VPS13B: variants seen among roughly 807,000 people sequenced by gnomAD.
VPS13B encodes the protein intermembrane lipid transfer protein VPS13B.
In VPS13B, 285 loss-of-function variants were observed where a neutral mutation model predicts 426.4. That is an observed-to-expected ratio of 0.67 (90% CI 0.61 to 0.74). The LOEUF (loss-of-function observed/expected upper bound fraction) is 0.74, where lower values mean the gene tolerates loss of function less well. Among genes scored for constraint, VPS13B ranks in the 30% least tolerant of loss-of-function variants. The pLI is 0.00. For missense variants in VPS13B, 4,537 were observed against 4,782.6 expected, an observed-to-expected ratio of 0.95 and a Z score of 1.51; for synonymous variants, 1,676 against 1,676.4, an observed-to-expected ratio of 1.00 and a Z score of 0.01.
chr8:99,418,974 C>T (rs759269460), intron 21 of VPS13B, among the ~76,000 whole-genome samples: 14 of 152,208 alleles, frequency 9.2e-5, no homozygotes, highest in Non-Finnish European at 2.1e-4. Context: ...ATTTCTCTCG[C>T]AAAGGCCTTG....
intron 19 of VPS13B, among the ~76,000 whole-genome samples, chr8:99,343,708 A>G (rs1175617106): frequency 6.6e-6 from 1 of 152,228 alleles, no homozygotes; most frequent in Non-Finnish European, 1.5e-5. Context: ...CAACAACAGC[A>G]ACAACAACAA....
At chr8:99,633,838 T>TGTGTGTGTGTGTGC (rs758390407) in intron 33 of VPS13B, among the ~76,000 whole-genome samples, 1 of 151,254 alleles carries the variant, frequency 6.6e-6, no homozygotes, top group African/African-American at 2.4e-5. Context: ...TGTGTGTGTG[T>TGTGTGTGTGTGTGC]GCGTGTTTTA....
At chr8:99,141,116 A>C (rs1214628047) in intron 12 of VPS13B, among the ~76,000 whole-genome samples, 1 of 152,196 alleles carries the variant, frequency 6.6e-6, no homozygotes, top group Non-Finnish European at 1.5e-5. Flanking sequence ...TATTGAATTG[A>C]AGGGCAAGAA....
At chr8:99,660,275 G>T (rs1446147576) in intron 34 of VPS13B, among the ~76,000 whole-genome samples, 1 of 152,168 alleles carries the variant, frequency 6.6e-6, no homozygotes, top group East Asian at 1.9e-4. Context: ...TTCCAAGGCA[G>T]AATTTATATG....
intron 14 of VPS13B, among the ~76,000 whole-genome samples, chr8:99,152,073 T>A (rs1811107485): frequency 6.6e-6 from 1 of 152,194 alleles, no homozygotes; most frequent in African/African-American, 2.4e-5. Flanking sequence ...TATTTTGGAT[T>A]TATTTAATTT....
At chr8:99,617,487 C>G (rs1238305144) in intron 33 of VPS13B, among the ~76,000 whole-genome samples, 1 of 152,058 alleles carries the variant, frequency 6.6e-6, no homozygotes, top group African/African-American at 2.4e-5. Flanking sequence ...TCACCACGCC[C>G]AGCAAATTTC....
intron 25 of VPS13B, among the ~76,000 whole-genome samples, chr8:99,484,927 C>A (rs1820225732): frequency 6.6e-6 from 1 of 151,488 alleles, no homozygotes; most frequent in Admixed American, 6.6e-5. Context: ...TAATGTAAAT[C>A]TCCTTCATAA....
rs940431462 is a variant in VPS13B, at chr8:99,875,118, T to G, written c.11746-300T>G. On this transcript the variant is annotated intron_variant, in intron 61 of 61. Coordinates refer to ENST00000357162, the MANE Select transcript of VPS13B (RefSeq NM_152564.5). ...CTGCTAAAGAACAATGACAGATGTT[T>G]TAATGGTGAGTAGAATGTTATCAAA... 9.7e-6 allele frequency: 4 copies of G among 413,486 alleles called. No homozygotes were observed. In the Admixed American group the frequency reaches 1.5e-4, roughly 15 times the overall value. 25.6% of individuals were successfully genotyped at this position (413,486 alleles called of 1,614,324 possible).
chr8:99,138,378 T>C (rs1177915056), intron 12 of VPS13B, among the ~76,000 whole-genome samples: 1 of 152,178 alleles, frequency 6.6e-6, no homozygotes, highest in African/African-American at 2.4e-5. Flanking sequence ...CCATCCACCT[T>C]GGCTTCCCAA....
chr8:99,038,836 G>A (rs1587947884), intron 3 of VPS13B, among the ~76,000 whole-genome samples: 1 of 151,472 alleles, frequency 6.6e-6, no homozygotes, highest in Admixed American at 6.6e-5. Context: ...ACAGGTGTGC[G>A]CCACCACGCC....
chr8:99,548,670 G>T (rs954504001), intron 30 of VPS13B, among the ~76,000 whole-genome samples: 1 of 151,734 alleles, frequency 6.6e-6, no homozygotes, highest in Admixed American at 6.6e-5. Flanking sequence ...GTATGTATAG[G>T]ACAAAACAGG....
chr8:99,772,959 A>G (rs116349234), intron 40 of VPS13B, among the ~76,000 whole-genome samples: 1 of 152,360 alleles, frequency 6.6e-6, no homozygotes, highest in African/African-American at 2.4e-5. Context: ...GATGAATGCC[A>G]GTATGCTGTT....
intron 19 of VPS13B, among the ~76,000 whole-genome samples, chr8:99,383,241 T>A (rs1813923875): frequency 6.6e-6 from 1 of 152,190 alleles, no homozygotes. Context: ...GGCCTGCATT[T>A]AATCTAGGCT....
intron 3 of VPS13B, 35 bp from the exon 4 acceptor site, chr8:99,096,277 A>G (rs992860720): frequency 1.2e-6 from 2 of 1,612,360 alleles, no homozygotes; most frequent in Admixed American, 3.3e-5. Context: ...AGTATGATCG[A>G]TGGTTTTCTT....
intron 54 of VPS13B, among the ~76,000 whole-genome samples, chr8:99,838,937 C>T (rs994711656): frequency 3.9e-5 from 6 of 152,212 alleles, no homozygotes; most frequent in Admixed American, 1.3e-4. Flanking sequence ...AATGCCAGTG[C>T]GGCTGTAGCG....
chr8:99,623,668 T>C (rs1328371545), intron 33 of VPS13B, among the ~76,000 whole-genome samples: 1 of 152,138 alleles, frequency 6.6e-6, no homozygotes, highest in Non-Finnish European at 1.5e-5. Flanking sequence ...GAGCCTTATG[T>C]GGTAAAACTA....
intron 39 of VPS13B, among the ~76,000 whole-genome samples, chr8:99,745,822 A>G (rs904196855): frequency 3.9e-5 from 6 of 152,074 alleles, no homozygotes; most frequent in African/African-American, 1.4e-4. Flanking sequence ...GAATATTTTA[A>G]AAGAAGTCTC....
chr8:99,222,022 G>A (rs1323164368), intron 17 of VPS13B, among the ~76,000 whole-genome samples: 1 of 152,158 alleles, frequency 6.6e-6, no homozygotes, highest in Non-Finnish European at 1.5e-5. Flanking sequence ...CTTATCTACT[G>A]CTCTTGGCTC....
chr8:99,392,276 A>G (rs2133314202), intron 21 of VPS13B, among the ~76,000 whole-genome samples: 1 of 152,304 alleles, frequency 6.6e-6, no homozygotes, highest in East Asian at 1.9e-4. Flanking sequence ...AATATAAAGT[A>G]TAACTATCCT....
Sources: gnomAD v4.1 joint callset for allele counts (sites outside exome capture counted in the v4.1 genomes callset) on GRCh38, gnomAD v4.1.1 for gene constraint, MANE v1.5 for transcripts, NCBI Gene and HGNC (gene_info 2026-07-23, HGNC 2026-07-21) for gene names.